RBM34: variants seen among roughly 807,000 people sequenced by gnomAD.
RBM34 encodes RNA binding motif protein 34, also known as RNA-binding protein 34.
In RBM34, 39 loss-of-function variants were observed where a neutral mutation model predicts 44.6. The observed-to-expected ratio is 0.87, with a 90% confidence interval of 0.68 to 1.14. The LOEUF (loss-of-function observed/expected upper bound fraction) is 1.14, where lower values mean the gene tolerates loss of function less well. Ranked by LOEUF, RBM34 falls within the 50% of genes most tolerant of loss-of-function variation. RBM34 has a pLI of 0.00. For missense variants in RBM34, 572 were observed against 517.9 expected (o/e 1.10, Z -1.01); for synonymous variants, 194 against 184.0 (o/e 1.05, Z -0.44).
chr1:235,131,985 C>G lies in RBM34; in HGVS notation c.1021G>C (p.Val341Leu). 6.3e-7 allele frequency: 1 copy of G among 1,597,646 alleles called. No individual in the cohort carries two copies. ...GYVLFENTDS[V>L]HLALKLNNSE... is the part of the protein sequence containing the mutation. ...TTATTTAATTTCAGAGCAAGATGAA[C>G]AGAATCTGTATTCTGCAAAAGAAAA... is the stretch of plus-strand genomic sequence containing the variant. The change falls in exon 11 of 11, where the codon GTT becomes CTT. Residue 341 changes from valine to leucine, a missense_variant. Coordinates refer to ENST00000408888, the MANE Select transcript of RBM34 (RefSeq NM_015014.4).
chr1:235,146,184 G>A (rs530554969), intron 6 of RBM34, among the ~76,000 whole-genome samples: 76 of 152,032 alleles, frequency 5.0e-4, no homozygotes, highest in African/African-American at 1.6e-3. Context: ...GGGCTCAAGC[G>A]ATCTGCCCAC....
Position 235,150,926 on chromosome 1 carries a change from G to A in RBM34, c.657+1780C>T, listed in dbSNP as rs376917692. 7.9e-5 allele frequency among the ~76,000 whole-genome samples: 12 copies of A among 152,264 alleles called. 1 individual carries two copies. Among genetic ancestry groups the A allele is most frequent in the African/African-American group, 2.6e-4 (11 of 41,542 alleles). ...CAATAGCAGGCCCCGTGAGGGGTGT[G>A]TGTGTGGCGGCTGGGGGGATGGGGG... On this transcript the variant is annotated intron_variant, in intron 5 of 10. Coordinates refer to ENST00000408888, the MANE Select transcript of RBM34 (RefSeq NM_015014.4).
chr1:235,150,637 T>G (rs1386903867), intron 5 of RBM34, among the ~76,000 whole-genome samples: 1 of 152,068 alleles, frequency 6.6e-6, no homozygotes, highest in African/African-American at 2.4e-5. Flanking sequence ...AGGGCCACAC[T>G]GGAGAACTGC....
chr1:235,153,571 T>G lies in RBM34; in HGVS notation c.598-806A>C, dbSNP rs138359755. ...TTCAAAGTAGCTGGGATTACAGGCA[T>G]GTGTCACCACACCCAGCTAATTTTT... On this transcript the variant is annotated intron_variant, in intron 4 of 10. Transcript: ENST00000408888. Among the ~76,000 whole-genome samples the G allele has an allele frequency of 5.8e-3, 882 of 152,186 alleles. 12 individuals are homozygous for G. The highest frequency in any genetic ancestry group is 0.02 in the African/African-American group (840 of 41,530).
At chr1:235,141,301 C>T (rs887313809) in intron 6 of RBM34, among the ~76,000 whole-genome samples, 2 of 151,958 alleles carry the variant, frequency 1.3e-5, no homozygotes, top group African/African-American at 4.8e-5. Flanking sequence ...CACCAATCAG[C>T]ACCCTGTGTT....
chr1:235,155,832 T>C (rs1473011890), intron 3 of RBM34, among the ~76,000 whole-genome samples: 5 of 19,302 alleles, frequency 2.6e-4, no homozygotes, highest in Admixed American at 6.7e-4. Flanking sequence ...CATATATATA[T>C]ATATATATAT....
chr1:235,143,130 G>C (rs187918944), intron 6 of RBM34, among the ~76,000 whole-genome samples: 9 of 152,210 alleles, frequency 5.9e-5, no homozygotes, highest in African/African-American at 2.2e-4. Flanking sequence ...GATACAAATA[G>C]TAAGCACATA....
At chr1:235,132,167 C>T (rs1012368469) in intron 10 of RBM34, among the ~76,000 whole-genome samples, 170 bp from the exon 11 acceptor site, 4 of 152,066 alleles carry the variant, frequency 2.6e-5, no homozygotes, top group Non-Finnish European at 5.9e-5. Context: ...TCACCATGCT[C>T]GTCACCAGTG....
intron 5 of RBM34, among the ~76,000 whole-genome samples, chr1:235,149,129 C>T (rs1662042241): frequency 6.6e-6 from 1 of 151,782 alleles, no homozygotes. Flanking sequence ...TGGCTCACAC[C>T]TGTAATCCCA....
At chr1:235,146,695 A>G (rs1661923180) in intron 6 of RBM34, among the ~76,000 whole-genome samples, 1 of 152,142 alleles carries the variant, frequency 6.6e-6, no homozygotes, top group Non-Finnish European at 1.5e-5. Flanking sequence ...ATCTGGGCTC[A>G]CTGCAACCTT....
chr1:235,150,581 G>C (rs1662115955), intron 5 of RBM34, among the ~76,000 whole-genome samples: 1 of 152,186 alleles, frequency 6.6e-6, no homozygotes, highest in Non-Finnish European at 1.5e-5. Context: ...GACTGGCAAA[G>C]GGACAAAGGT....
At chr1:235,152,642 G>A (rs891416437) in intron 5 of RBM34, 64 bp downstream of exon 5, 1 of 1,571,908 alleles carries the variant, frequency 6.4e-7, no homozygotes, top group Non-Finnish European at 8.6e-7. Context: ...ACAGCAATAA[G>A]TTCATCTGAT....
At chr1:235,157,877 G>T (rs906793293) in intron 3 of RBM34, among the ~76,000 whole-genome samples, 1 of 152,138 alleles carries the variant, frequency 6.6e-6, no homozygotes, top group Non-Finnish European at 1.5e-5. Context: ...CTGCTTCAGT[G>T]GCACAGTCAG....
intron 5 of RBM34, 98 bp downstream of exon 5, chr1:235,152,608 T>C: frequency 6.5e-7 from 1 of 1,540,070 alleles, no homozygotes; most frequent in South Asian, 1.3e-5. Flanking sequence ...ATTCAAAAGG[T>C]TAAAGTGCTT....
intron 6 of RBM34, among the ~76,000 whole-genome samples, chr1:235,143,434 G>A (rs1661769782): frequency 6.6e-6 from 1 of 152,210 alleles, no homozygotes. Context: ...TAACCTGAAT[G>A]TTCATAAACT....
intron 3 of RBM34, among the ~76,000 whole-genome samples, chr1:235,155,325 A>T (rs372963661): frequency 6.6e-6 from 1 of 152,076 alleles, no homozygotes; most frequent in South Asian, 2.1e-4. Context: ...TTAACTCAAG[A>T]TTTAGAAAAA....
intron 6 of RBM34, among the ~76,000 whole-genome samples, chr1:235,142,423 C>T (rs954652079): frequency 4.6e-5 from 7 of 151,966 alleles, no homozygotes; most frequent in Non-Finnish European, 8.8e-5. Context: ...GGATTACAGG[C>T]GCACGCCACC....
intron 9 of RBM34, 36 bp from the exon 10 acceptor site, chr1:235,135,806 T>A: frequency 6.4e-7 from 1 of 1,553,602 alleles, no homozygotes. Flanking sequence ...AAGTAAAGAG[T>A]TGGGAGCCCC....
At chr1:235,140,393 T>TGCAGGCCCTGCCGGCCCC (rs1244094116) in intron 6 of RBM34, among the ~76,000 whole-genome samples, 37 of 152,200 alleles carry the variant, frequency 2.4e-4, no homozygotes, top group African/African-American at 7.5e-4. Flanking sequence ...CGGCCGGCCC[T>TGCAGGCCCTGCCGGCCCC]GCAGGCCCTG....
Sources: allele counts gnomAD v4.1 joint callset (sites outside exome capture counted in the v4.1 genomes callset), GRCh38; gene constraint gnomAD v4.1.1; transcripts MANE v1.5; gene names NCBI Gene and HGNC (gene_info 2026-07-23, HGNC 2026-07-21).